Variants in GRAMD2B observed in about 807,000 individuals in gnomAD.
GRAMD2B encodes GRAM domain containing 2B.
In GRAMD2B, 41 loss-of-function variants were observed where a neutral mutation model predicts 59.2. That is an observed-to-expected ratio of 0.69 (90% confidence interval 0.54 to 0.90). GRAMD2B has a LOEUF of 0.90. Ranked by LOEUF, GRAMD2B falls within the 40% of genes least tolerant of loss-of-function variation. The probability of loss-of-function intolerance (pLI) is 0.00; values close to 1 mark genes in which losing one functional copy is unlikely to be tolerated. For synonymous variants in GRAMD2B, 161 were observed against 182.7 expected (o/e 0.88, Z 0.96); for missense variants, 424 against 500.5 (o/e 0.85, Z 1.46).
intron 1 of GRAMD2B, among the ~76,000 whole-genome samples, chr5:126,390,077 G>A (rs1756594366): frequency 6.6e-6 from 1 of 152,178 alleles, no homozygotes; most frequent in Admixed American, 6.5e-5. Flanking sequence ...AAAAATTACT[G>A]AAAGATGTCT....
At chr5:126,474,198 A>T (rs1228765505) in intron 5 of GRAMD2B, among the ~76,000 whole-genome samples, 1 of 152,246 alleles carries the variant, frequency 6.6e-6, no homozygotes, top group Non-Finnish European at 1.5e-5. Context: ...GTGAGTTTTC[A>T]GTCATTCTGA....
intron 6 of GRAMD2B, among the ~76,000 whole-genome samples, chr5:126,479,832 T>C (rs1351400632): frequency 6.6e-6 from 1 of 152,206 alleles, no homozygotes; most frequent in Non-Finnish European, 1.5e-5. Context: ...TCTGAACATA[T>C]TGTTTATGGT....
chr5:126,464,117 A>G (rs567285761), intron 1 of GRAMD2B, among the ~76,000 whole-genome samples: 11 of 152,316 alleles, frequency 7.2e-5, no homozygotes, highest in African/African-American at 2.2e-4. Flanking sequence ...TGACACTACA[A>G]TAGGACTCCT....
chr5:126,485,864 T>C, intron 11 of GRAMD2B, 91 bp downstream of exon 11: 1 of 733,218 alleles, frequency 1.4e-6, no homozygotes, highest in Non-Finnish European at 2.2e-6. Context: ...CTACTGTAAA[T>C]CTCAATTGTC....
chr5:126,487,828 A>G (rs998824737), intron 12 of GRAMD2B, among the ~76,000 whole-genome samples: 1 of 152,206 alleles, frequency 6.6e-6, no homozygotes, highest in Non-Finnish European at 1.5e-5. Context: ...CTGCAGGTCT[A>G]TATAACTACA....
chr5:126,444,483 AG>A (rs1403136724), intron 1 of GRAMD2B, among the ~76,000 whole-genome samples: 3 of 152,244 alleles, frequency 2.0e-5, no homozygotes, highest in African/African-American at 7.2e-5. Flanking sequence ...ATAAGGGGAC[AG>A]GTGCCCTTTG....
rs1474229029 is a variant in GRAMD2B, at chr5:126,493,666, G to A, written c.*710G>A. 1 of 152,222 alleles carries A rather than the reference G, an allele frequency of 6.6e-6. No individual in the cohort carries two copies. Among genetic ancestry groups the A allele is most frequent in the Non-Finnish European group, 1.5e-5 (1 of 68,044 alleles). 9.4% of individuals were successfully genotyped at this position (152,222 alleles called of 1,614,324 possible). A position where few individuals can be genotyped will look rare whatever the true frequency, so the allele number is the denominator to read the frequency against. ...CCCTGGTCAAGAATCTGTGAGGCAT[G>A]TGACTGAAGTACTAAATTAAACTTA... On this transcript the variant is annotated 3_prime_UTR_variant, in exon 14 of 14. Coordinates refer to ENST00000285689, the MANE Select transcript of GRAMD2B (RefSeq NM_023927.4).
chr5:126,465,256 C>T, intron 1 of GRAMD2B, 170 bp from the exon 2 acceptor site: 1 of 1,453,078 alleles, frequency 6.9e-7, no homozygotes, highest in Non-Finnish European at 9.0e-7. Flanking sequence ...GGACACCAGG[C>T]AAGGGGTTAG....
chr5:126,473,881 A>G (rs990320084), intron 5 of GRAMD2B, among the ~76,000 whole-genome samples: 1 of 152,204 alleles, frequency 6.6e-6, no homozygotes, highest in Non-Finnish European at 1.5e-5. Flanking sequence ...GGAGCAGTTA[A>G]GGCCTAGCCT....
At chr5:126,492,309 G>T (rs1389925185) in intron 13 of GRAMD2B, among the ~76,000 whole-genome samples, 2 of 151,908 alleles carry the variant, frequency 1.3e-5, no homozygotes, top group Non-Finnish European at 2.9e-5. Flanking sequence ...GGTCACACTG[G>T]TGTTGCCAGT....
chr5:126,374,578 T>A (rs1755031719), intron 1 of GRAMD2B, among the ~76,000 whole-genome samples: 1 of 152,228 alleles, frequency 6.6e-6, no homozygotes, highest in South Asian at 2.1e-4. Context: ...ATTTTCTTTA[T>A]GATTTGTTTA....
At chr5:126,431,879 C>T (rs1261169303) in intron 1 of GRAMD2B, among the ~76,000 whole-genome samples, 1 of 152,198 alleles carries the variant, frequency 6.6e-6, no homozygotes, top group East Asian at 1.9e-4. Flanking sequence ...TTGTCTCAGG[C>T]AATGAGATGA....
intron 1 of GRAMD2B, among the ~76,000 whole-genome samples, chr5:126,361,665 C>T (rs1561449090): frequency 1.3e-5 from 2 of 152,146 alleles, no homozygotes. Flanking sequence ...CTCAGATAAA[C>T]TGCCCAGGGC....
intron 1 of GRAMD2B, among the ~76,000 whole-genome samples, chr5:126,387,273 GAA>G (rs34031474): frequency 6.7e-5 from 10 of 148,688 alleles, no homozygotes; most frequent in Admixed American, 5.4e-4. Flanking sequence ...TAACTCTTCT[GAA>G]AAAAAAAAAG....
chr5:126,434,287 A>G (rs375726719), intron 1 of GRAMD2B, among the ~76,000 whole-genome samples: 3,361 of 152,258 alleles, frequency 0.022, 57 homozygotes, highest in Middle Eastern at 0.045. Context: ...AGTATTATAA[A>G]TTACTTTTAA....
chr5:126,433,087 A>G (rs1761847884), intron 1 of GRAMD2B, among the ~76,000 whole-genome samples: 1 of 152,220 alleles, frequency 6.6e-6, no homozygotes, highest in South Asian at 2.1e-4. Flanking sequence ...GAGGAAAGGA[A>G]TGTTTTGTTT....
At chr5:126,443,383 A>T (rs1188723660) in intron 1 of GRAMD2B, among the ~76,000 whole-genome samples, 2 of 152,170 alleles carry the variant, frequency 1.3e-5, no homozygotes, top group Non-Finnish European at 2.9e-5. Flanking sequence ...AAGAGAGGAA[A>T]ATTCTTCAGC....
intron 1 of GRAMD2B, among the ~76,000 whole-genome samples, chr5:126,386,704 G>A (rs988675530): frequency 5.9e-5 from 9 of 152,128 alleles, no homozygotes; most frequent in South Asian, 2.1e-4. Context: ...CACTTACTGC[G>A]CCACCTTAGC....
chr5:126,406,929 G>C (rs1370869311), intron 1 of GRAMD2B, among the ~76,000 whole-genome samples: 1 of 151,984 alleles, frequency 6.6e-6, no homozygotes, highest in African/African-American at 2.4e-5. Context: ...GGTTCTGAAA[G>C]CCAAGATAAG....
Sources: allele counts gnomAD v4.1 joint callset (sites outside exome capture counted in the v4.1 genomes callset), GRCh38; gene constraint gnomAD v4.1.1; transcripts MANE v1.5; gene names NCBI Gene and HGNC (gene_info 2026-07-23, HGNC 2026-07-21).